The following TYW1 variants were observed in gnomAD, a reference collection of about 807,000 sequenced individuals.
TYW1 encodes tRNA-yW synthesizing protein 1 homolog.
A neutral mutation model predicts 96.2 loss-of-function variants in TYW1; 46 were observed. That is an observed-to-expected ratio of 0.48 (90% CI 0.38 to 0.61). The LOEUF (loss-of-function observed/expected upper bound fraction) is 0.61, where lower values mean the gene tolerates loss of function less well. Among genes scored for constraint, TYW1 ranks in the 20% least tolerant of loss-of-function variants. The pLI, the probability that TYW1 is intolerant of heterozygous loss-of-function variation, is 0.00. For synonymous variants in TYW1, 274 were observed against 323.0 expected, an observed-to-expected ratio of 0.85 and a Z score of 1.63; for missense variants, 684 against 909.6, an observed-to-expected ratio of 0.75 and a Z score of 3.19.
At chr7:67,053,484 A>C (rs1004518438) in intron 8 of TYW1, among the ~76,000 whole-genome samples, 5 of 150,012 alleles carry the variant, frequency 3.3e-5, no homozygotes, top group Non-Finnish European at 5.9e-5. Flanking sequence ...AGTTCAAGCG[A>C]TTCTCCTGCC....
chr7:67,114,066 C>G (rs1418399526), intron 12 of TYW1, among the ~76,000 whole-genome samples: 2 of 152,164 alleles, frequency 1.3e-5, no homozygotes, highest in African/African-American at 2.4e-5. Context: ...GTGAACTGAT[C>G]AAGAAGGGTA....
chr7:67,001,080 T>C (rs1793369792), intron 3 of TYW1, among the ~76,000 whole-genome samples: 1 of 150,954 alleles, frequency 6.6e-6, no homozygotes, highest in African/African-American at 2.4e-5. Context: ...TGCATGTTTT[T>C]ACCTTTTTAA....
At chr7:67,173,107 A>G (rs987434627) in intron 13 of TYW1, among the ~76,000 whole-genome samples, 2 of 152,202 alleles carry the variant, frequency 1.3e-5, no homozygotes, top group African/African-American at 4.8e-5. Context: ...ACAATTAACA[A>G]TGCATTTTAA....
In TYW1 at chr7:67,238,221, T is replaced by C. The variant is rs1338005155; in HGVS notation, c.1978-87T>C. On this transcript the variant is annotated intron_variant, in intron 15 of 15. Coordinates refer to ENST00000359626, the MANE Select transcript of TYW1 (RefSeq NM_018264.4). ...TTCTTGACGTGATAGGGAGAAAAGA[T>C]CAGACTTGTTCATGATTTTAAAAAC... The C allele has an allele frequency of 3.8e-6, 6 of 1,559,702 alleles. No individual in the cohort carries two copies. The Admixed American group carries it at 1.2e-4, about 31-fold the overall frequency.
At chr7:67,159,991 G>A (rs1799110416) in intron 13 of TYW1, among the ~76,000 whole-genome samples, 1 of 151,908 alleles carries the variant, frequency 6.6e-6, no homozygotes, top group African/African-American at 2.4e-5. Context: ...TTTTAGTAGA[G>A]ATGGGGTATC....
intron 15 of TYW1, among the ~76,000 whole-genome samples, chr7:67,205,037 C>G (rs1356457957): frequency 6.6e-6 from 1 of 152,182 alleles, no homozygotes; most frequent in Non-Finnish European, 1.5e-5. Context: ...TTTCCTGTTT[C>G]TTGGTATGAT....
intron 15 of TYW1, among the ~76,000 whole-genome samples, chr7:67,207,301 T>G (rs1431365409): frequency 1.3e-5 from 2 of 152,204 alleles, no homozygotes; most frequent in Non-Finnish European, 2.9e-5. Context: ...CTTTCCTTTC[T>G]CATTGTCTTC....
intron 13 of TYW1, among the ~76,000 whole-genome samples, chr7:67,171,738 C>T (rs10252143): frequency 0.28 from 42,670 of 151,872 alleles, 6,505 homozygotes; most frequent in African/African-American, 0.4. Context: ...CCCTTCTCAC[C>T]TTCTCATCTT....
intron 3 of TYW1, among the ~76,000 whole-genome samples, chr7:67,006,742 G>T (rs1407066989): frequency 6.6e-6 from 1 of 151,672 alleles, no homozygotes; most frequent in East Asian, 1.9e-4. Flanking sequence ...GCCCGGCCAG[G>T]TATTTTTTTT....
intron 4 of TYW1, among the ~76,000 whole-genome samples, chr7:67,009,984 T>TC (rs1793736651): frequency 7.1e-6 from 1 of 140,574 alleles, no homozygotes; most frequent in African/African-American, 2.5e-5. Context: ...TTTTTTCTTT[T>TC]CTTTTTTTTT....
chr7:67,130,241 T>C (rs1443398081), intron 13 of TYW1, among the ~76,000 whole-genome samples: 2 of 150,426 alleles, frequency 1.3e-5, no homozygotes, highest in African/African-American at 4.9e-5. Context: ...ATCAGTTGGG[T>C]GTGGTGGTGG....
At chr7:67,068,137 T>C (rs1164124537) in intron 10 of TYW1, among the ~76,000 whole-genome samples, 3 of 151,978 alleles carry the variant, frequency 2.0e-5, no homozygotes, top group Non-Finnish European at 4.4e-5. Flanking sequence ...TTCTCCTGTC[T>C]CAGCCTCCCA....
Position 67,091,254 on chromosome 7 carries a change from GT to G in TYW1, c.1385-7279del, listed in dbSNP as rs901016297. Among the ~76,000 whole-genome samples, 64 of 150,830 alleles carry G rather than the reference GT, an allele frequency of 4.2e-4. 2 individuals carry two copies. The highest frequency in any genetic ancestry group is 3.4e-3 in the Middle Eastern group (1 of 294). On this transcript the variant is annotated intron_variant, in intron 11 of 15. Coordinates refer to ENST00000359626, the MANE Select transcript of TYW1 (RefSeq NM_018264.4). ...CAGCCATAAAAAAGGATGAATTCATGTTTTTTTTAGGGACATGGATGAAGCT... is the reference window on the plus strand; with the variant it reads ...CAGCCATAAAAAAGGATGAATTCATGTTTTTTTAGGGACATGGATGAAGCT...
chr7:67,226,667 G>T (rs1183677513), intron 15 of TYW1, among the ~76,000 whole-genome samples: 2 of 152,150 alleles, frequency 1.3e-5, no homozygotes, highest in African/African-American at 4.8e-5. Flanking sequence ...AGCTGGCTCT[G>T]TGTGAATTAC....
chr7:67,213,700 A>G (rs984955567), intron 15 of TYW1, among the ~76,000 whole-genome samples: 19 of 152,250 alleles, frequency 1.2e-4, no homozygotes, highest in Middle Eastern at 3.2e-3. Context: ...GAGATAAGTT[A>G]GATCTGTATC....
chr7:67,177,134 T>C (rs998216930), intron 13 of TYW1, among the ~76,000 whole-genome samples: 10 of 152,206 alleles, frequency 6.6e-5, no homozygotes, highest in Non-Finnish European at 1.3e-4. Context: ...GCATAGACAA[T>C]GATTCTATCA....
At chr7:67,175,227 G>A (rs546638498) in intron 13 of TYW1, among the ~76,000 whole-genome samples, 12 of 148,752 alleles carry the variant, frequency 8.1e-5, no homozygotes, top group Admixed American at 4.1e-4. Flanking sequence ...GCTGGAGTGC[G>A]ATGGCGTGAT....
rs368594966 is a variant in TYW1, at chr7:67,180,208, C to G, written c.1699-2918C>G. On this transcript the variant is annotated intron_variant, in intron 13 of 15. Transcript: ENST00000359626. ...ATTGCTGATTGCTGGCATATAATAG[C>G]TAATATTTGGTATGATACGCTGCTG... Among the ~76,000 whole-genome samples, 23 of 130,520 alleles carry G rather than the reference C, an allele frequency of 1.8e-4. 1 individual carries two copies. The East Asian group carries it at 4.1e-3, about 23-fold the overall frequency. The allele number at this position is 130,520 out of a possible 152,430, so 85.6% of individuals were successfully genotyped here.
intron 15 of TYW1, among the ~76,000 whole-genome samples, chr7:67,219,758 C>T (rs1243827020): frequency 2.0e-5 from 3 of 147,676 alleles, no homozygotes; most frequent in Admixed American, 6.7e-5. Flanking sequence ...TAATTCGAGT[C>T]TTATTTCTCT....
Sources: gnomAD v4.1 joint callset for allele counts (sites outside exome capture counted in the v4.1 genomes callset) on GRCh38, gnomAD v4.1.1 for gene constraint, MANE v1.5 for transcripts, NCBI Gene and HGNC (gene_info 2026-07-23, HGNC 2026-07-21) for gene names.